ZNF710: variants seen among roughly 807,000 people sequenced by gnomAD.
ZNF710 encodes the protein zinc finger protein 710.
A neutral mutation model predicts 50.6 loss-of-function variants in ZNF710; 13 were observed. The ratio of observed to expected loss-of-function variants is 0.26; its 90% CI spans 0.17 to 0.41. ZNF710 has a LOEUF of 0.41. Ranked by LOEUF, ZNF710 falls within the 10% of genes least tolerant of loss-of-function variation. The pLI is 1.00. For synonymous variants in ZNF710, 383 were observed against 397.0 expected, an observed-to-expected ratio of 0.96 and a Z score of 0.42; for missense variants, 721 against 936.6, an observed-to-expected ratio of 0.77 and a Z score of 3.01.
rs761488485 is a variant in ZNF710, at chr15:90,074,172, C to T, written c.1707C>T (p.His569=). 1.6e-5 allele frequency: 26 copies of T among 1,613,690 alleles called. No homozygotes were observed. The highest frequency in any genetic ancestry group is 5.0e-5 in the Admixed American group (3 of 59,900). Residue 569 remains histidine (H), a synonymous_variant, in exon 4 of 5, where the codon CAC becomes CAT. Coordinates refer to ENST00000268154, the MANE Select transcript of ZNF710 (RefSeq NM_198526.4). ...MYNLLGHMHL[H]AGSKPFKCPY... is the part of the protein sequence containing the mutation. The stretch of plus-strand genomic sequence containing the variant: ...ACCTGCTGGGCCACATGCACCTGCA[C>T]GCCGGCAGCAAGCCCTTCAAGTGCC...
chr15:90,006,070 A>G (rs957566421), intron 1 of ZNF710, among the ~76,000 whole-genome samples: 1 of 152,132 alleles, frequency 6.6e-6, no homozygotes, highest in Non-Finnish European at 1.5e-5. Context: ...GAAAAACTAA[A>G]GAAGAAATTG....
intron 1 of ZNF710, chr15:90,006,694 A>G (rs146545819): frequency 6.5e-6 from 1 of 154,232 alleles, no homozygotes; most frequent in Admixed American, 6.5e-5. Flanking sequence ...AGGGTGGTAC[A>G]GTTCATTAAC....
At chr15:90,038,740 T>TGTGTGTGTGTGTGTGA (rs150950322) in intron 1 of ZNF710, among the ~76,000 whole-genome samples, 2,182 of 148,502 alleles carry the variant, frequency 0.015, 25 homozygotes, top group Middle Eastern at 0.031. Context: ...TGTGTGTGTG[T>TGTGTGTGTGTGTGTGA]GAGACATTGG....
intron 1 of ZNF710, among the ~76,000 whole-genome samples, chr15:90,047,691 TCTC>T (rs1384747660): frequency 6.6e-6 from 1 of 151,626 alleles, no homozygotes; most frequent in Non-Finnish European, 1.5e-5. Context: ...TTCAAATGAT[TCTC>T]CTGCCTCAGC....
chr15:90,067,554 C>T lies in ZNF710; in HGVS notation c.417C>T (p.Pro139=), dbSNP rs143329247. ...DDKDAGPAEA[P]AEAASGGCDA... is the part of the protein sequence containing the mutation. ...AGGACGCAGGGCCAGCAGAAGCCCC[C>T]GCCGAGGCGGCCAGTGGCGGCTGCG... The change falls in exon 2 of 5, where the codon CCC becomes CCT. Residue 139 remains proline (P), a synonymous_variant. Coordinates refer to ENST00000268154, the MANE Select transcript of ZNF710 (RefSeq NM_198526.4). This position sits in a 1 kb window ranked among gnomAD's most constrained non-coding sequence, Gnocchi z 8.1. The T allele has an allele frequency of 3.0e-5, 49 of 1,612,626 alleles. No individual in the cohort carries two copies. The highest frequency in any genetic ancestry group is 5.3e-5 in the African/African-American group (4 of 74,932).
At chr15:90,010,067 C>T (rs1898257964) in intron 1 of ZNF710, among the ~76,000 whole-genome samples, 1 of 152,128 alleles carries the variant, frequency 6.6e-6, no homozygotes, top group South Asian at 2.1e-4. Flanking sequence ...CCATTCTTTC[C>T]TGTTGCTATG....
intron 1 of ZNF710, among the ~76,000 whole-genome samples, chr15:90,039,244 A>G (rs1004876324): frequency 2.0e-5 from 3 of 151,178 alleles, no homozygotes; most frequent in African/African-American, 7.3e-5. Flanking sequence ...GTGCCACTGC[A>G]CTCCAGCCTG....
intron 1 of ZNF710, among the ~76,000 whole-genome samples, chr15:90,016,303 C>A (rs1173403902): frequency 6.6e-6 from 1 of 152,034 alleles, no homozygotes; most frequent in South Asian, 2.1e-4. Context: ...ATTTTTAGAC[C>A]GAGAAACTGA....
At chr15:90,042,636 A>G (rs1005914072) in intron 1 of ZNF710, among the ~76,000 whole-genome samples, 2 of 152,078 alleles carry the variant, frequency 1.3e-5, no homozygotes, top group South Asian at 4.1e-4. Context: ...TTTCGTCATG[A>G]CTCGCTAGGT....
At chr15:90,043,795 T>C (rs1377246120) in intron 1 of ZNF710, among the ~76,000 whole-genome samples, 1 of 151,884 alleles carries the variant, frequency 6.6e-6, no homozygotes, top group Non-Finnish European at 1.5e-5. Flanking sequence ...GCCCTTTGTG[T>C]CTCTGCCTTC....
chr15:90,057,019 C>T (rs1159994248), intron 1 of ZNF710, among the ~76,000 whole-genome samples: 1 of 152,110 alleles, frequency 6.6e-6, no homozygotes, highest in Non-Finnish European at 1.5e-5. Flanking sequence ...AGACACCCAC[C>T]CCGCCACCCC....
intron 1 of ZNF710, 123 bp downstream of exon 1, chr15:90,001,737 C>T (rs913717935): frequency 1.4e-5 from 2 of 144,560 alleles, no homozygotes; most frequent in Non-Finnish European, 3.1e-5. Context: ...GACCCGCCCC[C>T]CGCCTCTCCC....
rs1899066212 is a variant in ZNF710, at chr15:90,034,759, C to T, written c.-28-32351C>T. On this transcript the variant is annotated intron_variant, in intron 1 of 4. Coordinates refer to ENST00000268154, the MANE Select transcript of ZNF710 (RefSeq NM_198526.4). The surrounding 1 kb of genome is among the most constrained non-coding windows in gnomAD (Gnocchi z 4.0). ...TGGCCGTGGGTGGGGCACCCGGCTC[C>T]ACCTGCCTCAGGTTTTGCCTGCAGG... Among the ~76,000 whole-genome samples, 1 of 152,224 alleles carries T rather than the reference C, an allele frequency of 6.6e-6. No homozygotes were observed. The highest frequency in any genetic ancestry group is 1.5e-5 in the Non-Finnish European group (1 of 68,038).
chr15:90,048,686 T>C (rs1454342205), intron 1 of ZNF710, among the ~76,000 whole-genome samples: 2 of 152,188 alleles, frequency 1.3e-5, no homozygotes, highest in Non-Finnish European at 2.9e-5. Context: ...AGTTGGATCT[T>C]GTACTTCGTT....
intron 1 of ZNF710, among the ~76,000 whole-genome samples, chr15:90,009,883 C>G (rs572731692): frequency 2.6e-5 from 4 of 152,126 alleles, no homozygotes; most frequent in Non-Finnish European, 5.9e-5. Context: ...CCTACTCATG[C>G]CCAGTGGCCC....
At chr15:90,051,752 G>A (rs1899652989) in intron 1 of ZNF710, among the ~76,000 whole-genome samples, 1 of 152,118 alleles carries the variant, frequency 6.6e-6, no homozygotes, top group African/African-American at 2.4e-5. Flanking sequence ...CTGTGCCTTG[G>A]TTTCCTCCTC....
Position 90,073,117 on chromosome 15 carries a change from T to TACAGGCGAACATGAAAA in ZNF710, c.1520_1521insAAACAGGCGAACATGAA (p.Arg508AsnfsTer5). ...GAGGTGTGTGGCCGGGAGTTCACCC[T>TACAGGCGAACATGAAAA]ACAGGCGAACATGAAGCGGCACATG... On this transcript the variant is annotated frameshift_variant, in exon 3 of 5. Coordinates refer to ENST00000268154, the MANE Select transcript of ZNF710 (RefSeq NM_198526.4). LOFTEE classifies it high-confidence loss of function. 1 of 1,614,098 alleles carries TACAGGCGAACATGAAAA rather than the reference T, an allele frequency of 6.2e-7. No individual in the cohort carries two copies. The highest frequency in any genetic ancestry group is 8.5e-7 in the Non-Finnish European group (1 of 1,180,022).
intron 1 of ZNF710, among the ~76,000 whole-genome samples, chr15:90,008,379 A>ATGTATATG (rs1424662142): frequency 7.0e-6 from 1 of 143,770 alleles, no homozygotes. Flanking sequence ...GTGTATATAT[A>ATGTATATG]TGTATATGTG....
At position 90,068,985 on chromosome 15, in the gene ZNF710, T is replaced by C. The variant is rs1900284723; in HGVS notation, c.1458+390T>C. Among the ~76,000 whole-genome samples the C allele has an allele frequency of 6.6e-6, 1 of 152,062 alleles. No individual in the cohort carries two copies. The highest frequency in any genetic ancestry group is 2.4e-5 in the African/African-American group (1 of 41,408). On this transcript the variant is annotated intron_variant, in intron 2 of 4. Transcript: ENST00000268154. The surrounding 1 kb of genome is among the most constrained non-coding windows in gnomAD (Gnocchi z 5.0). ...GCTCATGCCTGTAATCCCAGCACTT[T>C]GCGAGGCCAAGGCGGGCAGATCACC...
Sources: gnomAD v4.1 joint callset for allele counts (sites outside exome capture counted in the v4.1 genomes callset) on GRCh38, gnomAD v4.1.1 for gene constraint, Gnocchi (gnomAD v3.1) non-coding constraint, MANE v1.5 for transcripts, NCBI Gene and HGNC (gene_info 2026-07-23, HGNC 2026-07-21) for gene names.